UROC1: variants seen among roughly 807,000 people sequenced by gnomAD.
UROC1 encodes the protein urocanate hydratase.
In UROC1, 79 loss-of-function variants were observed where a neutral mutation model predicts 89.5. The observed-to-expected ratio is 0.88, with a 90% CI of 0.74 to 1.06. The LOEUF is 1.06. Among genes scored for constraint, UROC1 ranks in the 50% least tolerant of loss-of-function variants. UROC1 has a pLI of 0.00. For synonymous variants in UROC1, 361 were observed against 354.8 expected (o/e 1.02, Z -0.20); for missense variants, 885 against 907.8 (o/e 0.97, Z 0.32).
intron 9 of UROC1, among the ~76,000 whole-genome samples, chr3:126,503,049 G>A (rs1327106730): frequency 6.6e-6 from 1 of 152,106 alleles, no homozygotes; most frequent in Non-Finnish European, 1.5e-5. Flanking sequence ...GTGTGTGTGT[G>A]TACATGCACA....
intron 15 of UROC1, among the ~76,000 whole-genome samples, chr3:126,492,959 C>A (rs1428800080): frequency 6.6e-6 from 1 of 152,186 alleles, no homozygotes; most frequent in African/African-American, 2.4e-5. Flanking sequence ...GTCTGTGAGT[C>A]TTATGGGAAG....
In UROC1 at chr3:126,495,253, A is replaced by G. The variant is rs569205716; in HGVS notation, c.1509+785T>C. ...TTAACCATTTCTAAGTACACAGTTT[A>G]GTGGTATTAAGTCGATTCATAATGT... On this transcript the variant is annotated intron_variant, in intron 15 of 19. Coordinates refer to ENST00000290868, the MANE Select transcript of UROC1 (RefSeq NM_144639.3). 7.9e-5 allele frequency among the ~76,000 whole-genome samples: 12 copies of G among 152,316 alleles called. No individual in the cohort carries two copies. In the South Asian group the frequency reaches 2.3e-3, roughly 29 times the overall value.
At chr3:126,491,215 C>T (rs62264729) in intron 16 of UROC1, among the ~76,000 whole-genome samples, 9,031 of 152,284 alleles carry the variant, frequency 0.059, 499 homozygotes, top group African/African-American at 0.15. Context: ...CACCGCTCTT[C>T]GCCATGTTCA....
intron 1 of UROC1, among the ~76,000 whole-genome samples, chr3:126,517,021 T>C (rs529084214): frequency 6.6e-6 from 1 of 152,176 alleles, no homozygotes; most frequent in African/African-American, 2.4e-5. Context: ...ACCATTTTCA[T>C]CTCAAGCTGA....
intron 16 of UROC1, among the ~76,000 whole-genome samples, chr3:126,491,176 C>A (rs1032079815): frequency 6.6e-6 from 1 of 152,222 alleles, no homozygotes; most frequent in Non-Finnish European, 1.5e-5. Context: ...CTCAGCTCAA[C>A]GTTAGCAACT....
At chr3:126,495,899 G>A (rs1206636175) in intron 15 of UROC1, 139 bp downstream of exon 15, 6 of 798,784 alleles carry the variant, frequency 7.5e-6, no homozygotes, top group African/African-American at 1.7e-5. Flanking sequence ...AGTCACACAG[G>A]ATCTTGTGTG....
intron 6 of UROC1, among the ~76,000 whole-genome samples, chr3:126,506,876 G>C (rs376267642): frequency 6.6e-6 from 1 of 152,134 alleles, no homozygotes; most frequent in African/African-American, 2.4e-5. Flanking sequence ...TCAGCGGTTC[G>C]AGACCAGCCT....
chr3:126,501,068 G>T, intron 10 of UROC1, 150 bp downstream of exon 10: 1 of 1,178,000 alleles, frequency 8.5e-7, no homozygotes, highest in Non-Finnish European at 1.3e-6. Context: ...GCTGCCTCAA[G>T]CTTGGGTAAG....
chr3:126,510,165 C>T (rs949234222), intron 2 of UROC1, among the ~76,000 whole-genome samples: 15 of 152,220 alleles, frequency 9.9e-5, no homozygotes, highest in African/African-American at 3.6e-4. Context: ...AACGCAGACT[C>T]GAAGCTCCAC....
intron 8 of UROC1, among the ~76,000 whole-genome samples, chr3:126,504,552 C>G (rs186829902): frequency 2.6e-5 from 4 of 152,176 alleles, no homozygotes; most frequent in Admixed American, 2.6e-4. Flanking sequence ...AAGGGAAGCC[C>G]AAAGGAATCA....
chr3:126,506,275 A>G (rs908092432), intron 6 of UROC1, among the ~76,000 whole-genome samples: 2 of 152,196 alleles, frequency 1.3e-5, no homozygotes, highest in African/African-American at 4.8e-5. Flanking sequence ...TGTTTTGGGG[A>G]ATATTTGGCT....
intron 17 of UROC1, 64 bp downstream of exon 17, chr3:126,489,212 T>C (rs1164429241): frequency 1.4e-6 from 2 of 1,447,262 alleles, no homozygotes; most frequent in East Asian, 2.3e-5. Context: ...ACTGACTAAA[T>C]GCATCAATTT....
At position 126,506,011 on chromosome 3, in the gene UROC1, C is replaced by A; in HGVS notation, c.603G>T (p.Met201Ile). 1.2e-6 allele frequency: 2 copies of A among 1,613,456 alleles called. No individual in the cohort carries two copies. Among genetic ancestry groups the A allele is most frequent in the African/African-American group, 1.3e-5 (1 of 75,048 alleles). Residue 201 changes from methionine to isoleucine, a missense_variant and splice_region_variant, in exon 7 of 20, where the codon ATG becomes ATT. Coordinates refer to ENST00000290868, the MANE Select transcript of UROC1 (RefSeq NM_144639.3). The stretch of plus-strand genomic sequence containing the variant: ...AGCTACCTGCTGTCATCTGGCCGTA[C>A]CTGACCACAGGGAGAGAAGCCAAGC... ...YEKLFALGVT[M>I]YGQMTAGSYC...
chr3:126,510,757 T>TC lies in UROC1; in HGVS notation c.163dup (p.Asp55GlyfsTer30), dbSNP rs760888877. The TC allele has an allele frequency of 6.2e-7, 1 of 1,614,046 alleles. No individual in the cohort carries two copies. The highest frequency in any genetic ancestry group is 2.2e-5 in the East Asian group (1 of 44,866). The stretch of plus-strand genomic sequence containing the variant: ...CTCTGGGGCCAGCAGCTCCTGGACA[T>TC]CCGGGGGGAAGTAGCGCAGGGCGTT... On this transcript the variant is annotated frameshift_variant, in exon 2 of 20. Coordinates refer to ENST00000290868, the MANE Select transcript of UROC1 (RefSeq NM_144639.3). LOFTEE classifies it high-confidence loss of function.
chr3:126,508,340 T>C, intron 4 of UROC1, 76 bp downstream of exon 4: 1 of 1,502,054 alleles, frequency 6.7e-7, no homozygotes, highest in Non-Finnish European at 9.3e-7. Flanking sequence ...AGCTGTGGGT[T>C]TGTAAGCTCC....
chr3:126,486,655 C>T (rs1421521639), intron 18 of UROC1, among the ~76,000 whole-genome samples: 1 of 152,150 alleles, frequency 6.6e-6, no homozygotes, highest in Non-Finnish European at 1.5e-5. Context: ...ATGGGAAGTT[C>T]GGTCCAGGAA....
chr3:126,510,372 T>C (rs1164476081), intron 2 of UROC1, among the ~76,000 whole-genome samples: 4 of 152,240 alleles, frequency 2.6e-5, no homozygotes, highest in Non-Finnish European at 1.5e-5. Flanking sequence ...AGGGGTTTTG[T>C]ATACAATTTG....
chr3:126,510,264 G>T (rs1183343730), intron 2 of UROC1, among the ~76,000 whole-genome samples: 1 of 152,224 alleles, frequency 6.6e-6, no homozygotes, highest in African/African-American at 2.4e-5. Flanking sequence ...ACTGTGGTTT[G>T]AGACCCTTAT....
chr3:126,508,349 C>G, intron 4 of UROC1, 67 bp downstream of exon 4: 2 of 1,532,624 alleles, frequency 1.3e-6, no homozygotes, highest in South Asian at 2.2e-5. Context: ...TTTGTAAGCT[C>G]CTAGGCCAGA....
Sources: allele counts gnomAD v4.1 joint callset (sites outside exome capture counted in the v4.1 genomes callset), GRCh38; gene constraint gnomAD v4.1.1; transcripts MANE v1.5; gene names NCBI Gene and HGNC (gene_info 2026-07-23, HGNC 2026-07-21).